CAPN5: variants seen among roughly 807,000 people sequenced by gnomAD.
The protein encoded by CAPN5 is calpain 5, also known as calpain-5.
A neutral mutation model predicts 73.0 loss-of-function variants in CAPN5; 54 were observed. The observed-to-expected ratio is 0.74, with a 90% CI of 0.59 to 0.93. The LOEUF is 0.93. Among genes scored for constraint, CAPN5 ranks in the 40% least tolerant of loss-of-function variants. The probability of loss-of-function intolerance (pLI) is 0.00; values close to 1 mark genes in which losing one functional copy is unlikely to be tolerated. For synonymous variants in CAPN5, 335 were observed against 356.9 expected (o/e 0.94, Z 0.69); for missense variants, 785 against 882.9 (o/e 0.89, Z 1.41).
At position 77,121,326 on chromosome 11, in the gene CAPN5, C is replaced by T. The variant is rs142959592; in HGVS notation, c.1487+417C>T. On this transcript the variant is annotated intron_variant, in intron 10 of 12. Coordinates refer to ENST00000648180, the MANE Select transcript of CAPN5 (RefSeq NM_004055.5). ...GGGTCTTGTCACCACAATTTCCTGT[C>T]CCATGGGGGTGGCTCTGGGCTCCAG... Among the ~76,000 whole-genome samples the T allele has an allele frequency of 7.7e-3, 1,180 of 152,380 alleles. 7 individuals carry two copies. Among genetic ancestry groups the T allele is most frequent in the Non-Finnish European group, 0.011 (748 of 68,034 alleles).
chr11:77,118,449 C>T, intron 8 of CAPN5, 97 bp downstream of exon 8: 11 of 1,071,748 alleles, frequency 1.0e-5, no homozygotes, highest in Non-Finnish European at 1.5e-5. Context: ...TGGGTAATCC[C>T]TGTCCTTCCT....
intron 3 of CAPN5, among the ~76,000 whole-genome samples, chr11:77,097,005 G>A (rs547452632): frequency 3.3e-5 from 5 of 152,226 alleles, no homozygotes; most frequent in Non-Finnish European, 5.9e-5. Context: ...GGCGGATCAC[G>A]AGGTCAGGAG....
intron 2 of CAPN5, among the ~76,000 whole-genome samples, chr11:77,093,445 ACT>A (rs1950172172): frequency 6.6e-6 from 1 of 152,028 alleles, no homozygotes; most frequent in East Asian, 1.9e-4. Flanking sequence ...GCGGAAGAGC[ACT>A]CTCTGGCCAG....
chr11:77,123,961 G>C lies in CAPN5; in HGVS notation c.*91G>C. 7.8e-7 allele frequency: 1 copy of C among 1,279,752 alleles called. No individual in the cohort carries two copies. The highest frequency in any genetic ancestry group is 1.1e-6 in the Non-Finnish European group (1 of 915,722). The allele number at this position is 1,279,752 out of a possible 1,614,324, so 79.3% of individuals were successfully genotyped here. The stretch of plus-strand genomic sequence containing the variant: ...TCTAGCCTGGGAGCCAGGATACTGG[G>C]GTCCTTTTCCCACTCTTCCACTGAC... On this transcript the variant is annotated 3_prime_UTR_variant, in exon 13 of 13. Transcript: ENST00000648180.
rs1402261316 is a variant in CAPN5 at position 77,114,384 on chromosome 11, C to A, written c.649C>A (p.Arg217Ser). 17 of 1,614,170 alleles carry A rather than the reference C, an allele frequency of 1.1e-5. No homozygotes were observed. Among genetic ancestry groups the A allele is most frequent in the East Asian group, 2.2e-5 (1 of 44,886 alleles). Residue 217 changes from arginine (R) to serine (S), a missense_variant, in exon 5 of 13, where the codon CGC becomes AGC. Physicochemically the swap from Arg to Ser is moderately radical, Grantham distance 110. Coordinates refer to ENST00000648180, the MANE Select transcript of CAPN5 (RefSeq NM_004055.5). The part of the protein sequence containing the change: ...DETKRNQLFE[R>S]MLKVHSRGGL... ...GACTAAGAGGAACCAGCTCTTTGAG[C>A]GCATGTTAAAGGTGCACAGCCGGGG...
intron 2 of CAPN5, among the ~76,000 whole-genome samples, chr11:77,088,912 C>A (rs534683660): frequency 6.6e-6 from 1 of 152,146 alleles, no homozygotes; most frequent in South Asian, 2.1e-4. Context: ...GCGGTGACTG[C>A]AGGTGCAGAA....
intron 2 of CAPN5, among the ~76,000 whole-genome samples, chr11:77,090,053 C>T (rs1950133352): frequency 6.6e-6 from 1 of 152,224 alleles, no homozygotes; most frequent in African/African-American, 2.4e-5. Context: ...CAGTGCCCAT[C>T]TCACAGGGTT....
At chr11:77,099,531 C>T (rs1441327770) in intron 3 of CAPN5, among the ~76,000 whole-genome samples, 35 of 150,164 alleles carry the variant, frequency 2.3e-4, no homozygotes, top group Non-Finnish European at 5.9e-5. Flanking sequence ...GGCTGGAGAC[C>T]GGCCCGGCCA....
chr11:77,116,946 C>T (rs4945144), intron 7 of CAPN5, among the ~76,000 whole-genome samples: 25,962 of 152,070 alleles, frequency 0.17, 3,024 homozygotes, highest in African/African-American at 0.32. Flanking sequence ...GCTTAAAGAG[C>T]CCAGTAATTG....
intron 3 of CAPN5, among the ~76,000 whole-genome samples, chr11:77,097,477 T>TTTTG (rs1950223504): frequency 7.0e-6 from 1 of 143,190 alleles, no homozygotes; most frequent in Admixed American, 6.9e-5. Flanking sequence ...TTTTTTTTTT[T>TTTTG]TTTTTTTTTT....
chr11:77,115,413 A>G lies in CAPN5; in HGVS notation c.718A>G (p.Met240Val), dbSNP rs1317751018. The G allele has an allele frequency of 5.6e-6, 9 of 1,604,290 alleles. No homozygotes were observed. Among genetic ancestry groups the G allele is most frequent in the Non-Finnish European group, 7.7e-6 (9 of 1,173,066 alleles). Residue 240 changes from methionine (M) to valine (V), a missense_variant, in exon 6 of 13, where the codon ATG becomes GTG. Transcript: ENST00000648180. Reference sequence around the variant, plus strand: ...TCCACAGGCAGTGACAGCAGCTGACATGGAGGCCCGCCTGGCGTGCGGCCT... The same window carrying G: ...TCCACAGGCAGTGACAGCAGCTGACGTGGAGGCCCGCCTGGCGTGCGGCCT... Reference protein sequence around the residue: ...ASIKAVTAADMEARLACGLVK... With the variant: ...ASIKAVTAADVEARLACGLVK...
At chr11:77,098,372 G>A (rs1555037979) in intron 3 of CAPN5, among the ~76,000 whole-genome samples, 2 of 112,216 alleles carry the variant, frequency 1.8e-5, no homozygotes, top group African/African-American at 3.6e-5. Context: ...GGCCGGGCGG[G>A]GGGCTGACCC....
intron 12 of CAPN5, among the ~76,000 whole-genome samples, chr11:77,122,946 C>T (rs1402638401): frequency 2.6e-5 from 4 of 152,218 alleles, no homozygotes; most frequent in African/African-American, 9.6e-5. Context: ...CAGCAGGGTC[C>T]ATCTCCTGGC....
In CAPN5 at chr11:77,067,102, G is replaced by C. The variant is rs1949849465; in HGVS notation, c.-36+8G>C. The C allele has an allele frequency of 1.3e-5, 2 of 151,654 alleles. No individual in the cohort carries two copies. The highest frequency in any genetic ancestry group is 4.2e-4 in the South Asian group (2 of 4,804). 9.4% of individuals were successfully genotyped at this position (151,654 alleles called of 1,614,324 possible). Reference sequence around the variant, plus strand: ...CCCGCGGCGGCTCGGCCGGTAGGAGGCGGGCGGAGGGAGGCGTGTGCTTCT... The same window carrying C: ...CCCGCGGCGGCTCGGCCGGTAGGAGCCGGGCGGAGGGAGGCGTGTGCTTCT... On this transcript the variant is annotated splice_region_variant and intron_variant, in intron 1 of 12. Coordinates refer to ENST00000648180, the MANE Select transcript of CAPN5 (RefSeq NM_004055.5).
At chr11:77,085,200 C>T in intron 2 of CAPN5, 149 bp downstream of exon 2, 2 of 695,522 alleles carry the variant, frequency 2.9e-6, no homozygotes, top group African/African-American at 1.8e-5. Context: ...GGGATTTGAT[C>T]CGGATGGGGA....
At chr11:77,109,509 T>C (rs1484656094) in intron 3 of CAPN5, among the ~76,000 whole-genome samples, 2 of 152,258 alleles carry the variant, frequency 1.3e-5, no homozygotes, top group African/African-American at 4.8e-5. Context: ...TTTGCCCTTA[T>C]TGATGCTCAA....
intron 1 of CAPN5, 57 bp from the exon 2 acceptor site, chr11:77,084,795 G>A: frequency 1.4e-6 from 2 of 1,479,672 alleles, no homozygotes; most frequent in Non-Finnish European, 1.9e-6. Flanking sequence ...CGCTTCACAG[G>A]GCACATCAGG....
rs1950422065 is a variant in CAPN5 at position 77,112,571 on chromosome 11, C to A, written c.298-18C>A. ...CCTCACTGTGTTCCCCCATCCTATC[C>A]CCCCTCCCCCTACCCAGGTCATCCC... On this transcript the variant is annotated intron_variant, in intron 3 of 12. Coordinates refer to ENST00000648180, the MANE Select transcript of CAPN5 (RefSeq NM_004055.5). 2 of 1,604,954 alleles carry A rather than the reference C, an allele frequency of 1.2e-6. No homozygotes were observed. The highest frequency in any genetic ancestry group is 1.3e-5 in the African/African-American group (1 of 74,660).
intron 1 of CAPN5, among the ~76,000 whole-genome samples, chr11:77,074,184 C>T (rs1949942902): frequency 6.6e-6 from 1 of 152,220 alleles, no homozygotes; most frequent in Non-Finnish European, 1.5e-5. Flanking sequence ...CCTTTCTAGT[C>T]CCCTCTGGCT....
Sources: gnomAD v4.1 joint callset for allele counts (sites outside exome capture counted in the v4.1 genomes callset) on GRCh38, gnomAD v4.1.1 for gene constraint, MANE v1.5 for transcripts, NCBI Gene and HGNC (gene_info 2026-07-23, HGNC 2026-07-21) for gene names.